Variants in SHISA9 observed in about 807,000 individuals in gnomAD.
SHISA9 encodes shisa family member 9.
SHISA9 carries 13 observed loss-of-function variants against 38.0 expected under a neutral mutation model. The observed-to-expected ratio is 0.34, with a 90% confidence interval of 0.22 to 0.54. The LOEUF is 0.54. SHISA9 is among the 20% of genes least tolerant of loss of function. The pLI is 0.91. For missense variants in SHISA9, 538 were observed against 575.8 expected, an observed-to-expected ratio of 0.93 and a Z score of 0.67; for synonymous variants, 275 against 242.0, an observed-to-expected ratio of 1.14 and a Z score of -1.27.
At chr16:13,292,672 A>T in the SHISA9 span, among the ~76,000 whole-genome samples, 2 of 152,276 alleles carry the variant, frequency 1.3e-5, no homozygotes, top group Middle Eastern at 3.4e-3. Flanking sequence ...GATGAGAGGA[A>T]GTAATACAAA....
the SHISA9 span, among the ~76,000 whole-genome samples, chr16:13,310,278 T>A: frequency 5.9e-5 from 9 of 152,088 alleles, no homozygotes; most frequent in Admixed American, 5.2e-4. Flanking sequence ...ATTCAAGGAC[T>A]GGAGGTGGGC....
intron 2 of SHISA9, among the ~76,000 whole-genome samples, chr16:13,029,534 G>A (rs2072965886): frequency 6.6e-6 from 1 of 152,230 alleles, no homozygotes; most frequent in Admixed American, 6.5e-5. Context: ...ACTTGGGCCA[G>A]GAGGTCAAAG....
chr16:13,141,073 C>T (rs2050397831), intron 2 of SHISA9, among the ~76,000 whole-genome samples: 1 of 152,072 alleles, frequency 6.6e-6, no homozygotes, highest in South Asian at 2.1e-4. Flanking sequence ...TCCCCTTATC[C>T]TTCATAATTA....
At chr16:13,437,864 CTTTTTTTTTT>C in the SHISA9 span, among the ~76,000 whole-genome samples, 1 of 104,490 alleles carries the variant, frequency 9.6e-6, no homozygotes, top group African/African-American at 3.3e-5. Context: ...CTTTTTTTTT[CTTTTTTTTTT>C]TTTTTTTTGA....
the SHISA9 span, among the ~76,000 whole-genome samples, chr16:13,267,311 T>C: frequency 2.0e-5 from 3 of 152,178 alleles, no homozygotes; most frequent in Admixed American, 6.5e-5. Context: ...TCAACCTTAA[T>C]AGTAATCAAA....
the SHISA9 span, among the ~76,000 whole-genome samples, chr16:13,512,490 A>T: frequency 6.6e-6 from 1 of 152,212 alleles, no homozygotes; most frequent in South Asian, 2.1e-4. Flanking sequence ...TCTTCACAGA[A>T]TTAGAAAAAA....
At chr16:13,086,055 G>T (rs751108832) in intron 2 of SHISA9, among the ~76,000 whole-genome samples, 2 of 152,092 alleles carry the variant, frequency 1.3e-5, no homozygotes, top group Non-Finnish European at 2.9e-5. Context: ...AAAATTTATA[G>T]AAATCAATTA....
At chr16:12,942,524 T>G (rs143770348) in intron 2 of SHISA9, among the ~76,000 whole-genome samples, 1,543 of 152,338 alleles carry the variant, frequency 0.01, 8 homozygotes, top group South Asian at 0.029. Flanking sequence ...TTGAATTCGC[T>G]GCAAAGTGTC....
chr16:12,951,193 C>G (rs2071750436), intron 2 of SHISA9, among the ~76,000 whole-genome samples: 1 of 111,970 alleles, frequency 8.9e-6, no homozygotes, highest in South Asian at 3.1e-4. Flanking sequence ...GGCACTCCAA[C>G]CTGGGTGACA....
At chr16:13,066,160 T>A (rs1342153206) in intron 2 of SHISA9, among the ~76,000 whole-genome samples, 1 of 152,202 alleles carries the variant, frequency 6.6e-6, no homozygotes, top group Non-Finnish European at 1.5e-5. Context: ...AACACTGAGA[T>A]GGAAGATGCA....
At chr16:13,502,130 G>A in the SHISA9 span, among the ~76,000 whole-genome samples, 1 of 152,238 alleles carries the variant, frequency 6.6e-6, no homozygotes, top group East Asian at 1.9e-4. Context: ...AAAATACTTT[G>A]TATATCAGAG....
intron 2 of SHISA9, among the ~76,000 whole-genome samples, chr16:13,129,665 G>T (rs954078931): frequency 1.3e-5 from 2 of 152,188 alleles, no homozygotes; most frequent in African/African-American, 4.8e-5. Context: ...CTGTGGATGT[G>T]TGTTCACATG....
rs565377966 is a variant in SHISA9, at chr16:13,211,941, A to G, written c.848-1312A>G. ...CTATGGGGGAGAAGAGAACCGAGTC[A>G]TCCTGGGTGGGCCCGACTCAGTTTT... On this transcript the variant is annotated intron_variant, in intron 3 of 4. Coordinates refer to ENST00000558583, the MANE Select transcript of SHISA9 (RefSeq NM_001145204.3). 1.3e-3 allele frequency among the ~76,000 whole-genome samples: 198 copies of G among 152,294 alleles called. 1 individual carries two copies. The highest frequency in any genetic ancestry group is 4.6e-3 in the African/African-American group (192 of 41,572).
the SHISA9 span, among the ~76,000 whole-genome samples, chr16:13,462,911 G>A: frequency 1.2e-4 from 19 of 152,008 alleles, no homozygotes; most frequent in Non-Finnish European, 7.4e-5. Flanking sequence ...GCAGGGAGCC[G>A]AGATCGCACC....
chr16:12,970,461 A>G (rs1215710540), intron 2 of SHISA9, among the ~76,000 whole-genome samples: 67 of 62,660 alleles, frequency 1.1e-3, no homozygotes, highest in Non-Finnish European at 1.4e-3. Context: ...ATATACATAT[A>G]TGTGTGTGTA....
At chr16:13,169,376 G>A (rs975517616) in intron 2 of SHISA9, among the ~76,000 whole-genome samples, 6 of 152,140 alleles carry the variant, frequency 3.9e-5, no homozygotes, top group Non-Finnish European at 8.8e-5. Context: ...CAGAATGCCA[G>A]GAAAGTTAAC....
the SHISA9 span, among the ~76,000 whole-genome samples, chr16:13,555,059 A>T: frequency 2.6e-5 from 4 of 152,330 alleles, no homozygotes; most frequent in African/African-American, 9.6e-5. Context: ...CAAACATCAG[A>T]TTTCTGGTAT....
At chr16:12,989,884 G>T (rs1259871752) in intron 2 of SHISA9, among the ~76,000 whole-genome samples, 6 of 152,076 alleles carry the variant, frequency 3.9e-5, no homozygotes, top group Non-Finnish European at 7.4e-5. Flanking sequence ...CCCGTCGCCT[G>T]GGTGTGAAGC....
the SHISA9 span, among the ~76,000 whole-genome samples, chr16:13,295,380 T>C: frequency 1.3e-5 from 2 of 152,194 alleles, no homozygotes; most frequent in Non-Finnish European, 2.9e-5. Context: ...CCAGGCCTCC[T>C]ACCCTTCTGG....
Sources: gnomAD v4.1 joint callset for allele counts (sites outside exome capture counted in the v4.1 genomes callset) on GRCh38, gnomAD v4.1.1 for gene constraint, MANE v1.5 for transcripts, NCBI Gene and HGNC (gene_info 2026-07-23, HGNC 2026-07-21) for gene names.